NOC3L: variants seen among roughly 807,000 people sequenced by gnomAD.
NOC3L encodes nucleolar complex protein 3 homolog.
NOC3L carries 85 observed loss-of-function variants against 102.5 expected under a neutral mutation model. The observed-to-expected ratio is 0.83, with a 90% CI of 0.70 to 0.99. The LOEUF is 0.99. Ranked by LOEUF, NOC3L falls within the 50% of genes least tolerant of loss-of-function variation. The pLI, the probability that NOC3L is intolerant of heterozygous loss-of-function variation, is 0.00. For synonymous variants in NOC3L, 303 were observed against 309.4 expected (o/e 0.98, Z 0.22); for missense variants, 878 against 914.9 (o/e 0.96, Z 0.52).
the NOC3L span, chr10:94,316,846 C>T: frequency 2.2e-6 from 2 of 906,928 alleles, no homozygotes; most frequent in Middle Eastern, 2.2e-4. Flanking sequence ...TTCAGAATTT[C>T]TTGTAATTGC....
chr10:94,326,480 AG>A, the NOC3L span, among the ~76,000 whole-genome samples: 1 of 152,226 alleles, frequency 6.6e-6, no homozygotes, highest in African/African-American at 2.4e-5. Context: ...AATAAATCAT[AG>A]GTGTGATGTT....
the NOC3L span, chr10:94,324,868 A>C: frequency 2.6e-5 from 42 of 1,610,768 alleles, no homozygotes; most frequent in Middle Eastern, 3.3e-4. Context: ...CCTAACACCA[A>C]TGGAAGGTTC....
chr10:94,325,836 T>G, the NOC3L span, among the ~76,000 whole-genome samples: 1 of 152,164 alleles, frequency 6.6e-6, no homozygotes, highest in Non-Finnish European at 1.5e-5. Context: ...TCTCGTTTTA[T>G]TACTGTTCTA....
At chr10:94,332,929 A>G, downstream of NOC3L, 1 of 152,210 alleles carries the variant, frequency 6.6e-6, no homozygotes, top group East Asian at 1.9e-4. Context: ...CTAAAAGCAA[A>G]TATTCATATG....
At chr10:94,359,238 A>G (rs966152223) in intron 2 of NOC3L, among the ~76,000 whole-genome samples, 1 of 152,214 alleles carries the variant, frequency 6.6e-6, no homozygotes, top group African/African-American at 2.4e-5. Context: ...CAGCCTGGCC[A>G]ACATGGTGAA....
In NOC3L at chr10:94,361,852, G is replaced by T; in HGVS notation, c.30C>A (p.Ile10=). 1 of 1,611,040 alleles carries T rather than the reference G, an allele frequency of 6.2e-7. No homozygotes were observed. Among genetic ancestry groups the T allele is most frequent in the African/African-American group, 1.3e-5 (1 of 74,832 alleles). MKARRNKKQ[I]PSFRKLIKTS... ...TTTTTATTAACTTGCGAAAGCTTGG[G>T]ATCTGTTTTTTATTTCTTCTCTAGA... The change falls in exon 2 of 21, where the codon ATC becomes ATA. Residue 10 remains isoleucine, a synonymous_variant. Transcript: ENST00000371361.
At chr10:94,350,443 GC>G (rs2054401165) in intron 8 of NOC3L, among the ~76,000 whole-genome samples, 155 bp from the exon 9 acceptor site, 1 of 151,890 alleles carries the variant, frequency 6.6e-6, no homozygotes, top group Admixed American at 6.6e-5. Context: ...GGGCACAGTG[GC>G]TCACACCTGT....
the NOC3L span, among the ~76,000 whole-genome samples, chr10:94,322,523 G>C: frequency 6.6e-6 from 1 of 152,070 alleles, no homozygotes; most frequent in Non-Finnish European, 1.5e-5. Context: ...GGGGGTTCAC[G>C]CCTGTAATCC....
Position 94,350,122 on chromosome 10 carries a change from C to T in NOC3L, c.1119G>A (p.Met373Ile). The T allele has an allele frequency of 6.2e-7, 1 of 1,613,962 alleles. No homozygotes were observed. The highest frequency in any genetic ancestry group is 8.5e-7 in the Non-Finnish European group (1 of 1,179,932). ...IVLIVPLMND[M>I]SKLISEMCCE... Reference sequence around the variant, plus strand: ...ATTTACAGCAACTCACCAATTTTGACATGTCATTCATGAGAGGGACAATCA... The same window carrying T: ...ATTTACAGCAACTCACCAATTTTGATATGTCATTCATGAGAGGGACAATCA... Residue 373 changes from methionine to isoleucine, a missense_variant, in exon 9 of 21, where the codon ATG (methionine) becomes ATA (isoleucine). Coordinates refer to ENST00000371361, the MANE Select transcript of NOC3L (RefSeq NM_022451.11).
downstream of NOC3L, chr10:94,329,470 TA>T (rs1252987627): frequency 6.6e-6 from 1 of 152,162 alleles, no homozygotes; most frequent in Non-Finnish European, 1.5e-5. Flanking sequence ...TTGCATATTC[TA>T]AAAACAGAAG....
intron 19 of NOC3L, 59 bp from the exon 20 acceptor site, chr10:94,334,777 A>G: frequency 8.6e-7 from 1 of 1,157,780 alleles, no homozygotes; most frequent in South Asian, 1.3e-5. Context: ...CTCAAAAATA[A>G]TTAGATTATA....
intron 5 of NOC3L, among the ~76,000 whole-genome samples, chr10:94,356,193 C>T (rs1160565340): frequency 1.3e-5 from 2 of 152,114 alleles, no homozygotes; most frequent in African/African-American, 4.8e-5. Context: ...ACTACAGAAT[C>T]GCTTTTGTAA....
chr10:94,357,491 C>T (rs1270026629), intron 3 of NOC3L, 160 bp from the exon 4 acceptor site: 5 of 444,170 alleles, frequency 1.1e-5, no homozygotes, highest in African/African-American at 1.0e-4. Context: ...GGCACTCAAA[C>T]AGCAAATGAA....
intron 14 of NOC3L, 91 bp from the exon 15 acceptor site, chr10:94,340,587 A>T: frequency 9.3e-7 from 1 of 1,075,840 alleles, no homozygotes; most frequent in Non-Finnish European, 1.4e-6. Context: ...TAAGGCCAGG[A>T]GCAAAGACTC....
intron 17 of NOC3L, among the ~76,000 whole-genome samples, chr10:94,339,510 A>G (rs1210028648): frequency 1.3e-5 from 2 of 152,224 alleles, no homozygotes; most frequent in Non-Finnish European, 2.9e-5. Flanking sequence ...TGCTGGAAAA[A>G]TACCCACCAA....
At chr10:94,345,952 A>T (rs1297627308) in intron 11 of NOC3L, among the ~76,000 whole-genome samples, 1 of 152,188 alleles carries the variant, frequency 6.6e-6, no homozygotes, top group Non-Finnish European at 1.5e-5. Context: ...AGGTACTATT[A>T]TTAGCCCCGT....
At chr10:94,331,058 C>G (rs1460768725), downstream of NOC3L, 3 of 152,192 alleles carry the variant, frequency 2.0e-5, no homozygotes, top group Non-Finnish European at 4.4e-5. Context: ...ATGATCCTAT[C>G]TGGGTAGAAA....
chr10:94,350,325 G>C, intron 8 of NOC3L, 37 bp from the exon 9 acceptor site: 3 of 1,583,034 alleles, frequency 1.9e-6, no homozygotes, highest in Non-Finnish European at 2.6e-6. Flanking sequence ...TTACTCATTG[G>C]TCAAAAGTTA....
chr10:94,341,452 A>C (rs2054284423), intron 14 of NOC3L, among the ~76,000 whole-genome samples: 1 of 151,426 alleles, frequency 6.6e-6, no homozygotes, highest in Non-Finnish European at 1.5e-5. Flanking sequence ...AAAAGAAAAC[A>C]GGTCAGACAA....
Sources: allele counts gnomAD v4.1 joint callset (sites outside exome capture counted in the v4.1 genomes callset), GRCh38; gene constraint gnomAD v4.1.1; transcripts MANE v1.5; gene names NCBI Gene and HGNC (gene_info 2026-07-23, HGNC 2026-07-21).